Variants in KLHL8 observed in about 807,000 individuals in gnomAD.
The protein encoded by KLHL8 is kelch like family member 8.
In KLHL8, 38 loss-of-function variants were observed where a neutral mutation model predicts 63.5. The ratio of observed to expected loss-of-function variants is 0.60; its 90% CI spans 0.46 to 0.78. KLHL8 has a LOEUF of 0.78. Among genes scored for constraint, KLHL8 ranks in the 30% least tolerant of loss-of-function variants. The pLI is 0.00. For synonymous variants in KLHL8, 224 were observed against 254.3 expected, an observed-to-expected ratio of 0.88 and a Z score of 1.13; for missense variants, 566 against 752.4, an observed-to-expected ratio of 0.75 and a Z score of 2.90.
chr4:87,199,490 AG>A (rs1210461104), intron 1 of KLHL8, among the ~76,000 whole-genome samples: 1 of 152,118 alleles, frequency 6.6e-6, no homozygotes, highest in East Asian at 1.9e-4. Flanking sequence ...AAGCAACACA[AG>A]TAAACACAGA....
rs774517505 is a variant in KLHL8 at position 87,163,995 on chromosome 4, G to GT, written c.1621dup (p.Thr541AsnfsTer23). 1 of 1,614,170 alleles carries GT rather than the reference G, an allele frequency of 6.2e-7. No individual in the cohort carries two copies. ...GATTCCCACTCCACCTCTGGGAGTAGTAAGTGCTGCCACATAATCCCACTT... is the reference window on the plus strand; with the variant it reads ...GATTCCCACTCCACCTCTGGGAGTAGTTAAGTGCTGCCACATAATCCCACTT... On this transcript the variant is annotated frameshift_variant, in exon 9 of 10. Coordinates refer to ENST00000273963, the MANE Select transcript of KLHL8 (RefSeq NM_020803.5). LOFTEE classifies it high-confidence loss of function.
intron 4 of KLHL8, among the ~76,000 whole-genome samples, chr4:87,180,639 A>G (rs1353035634): frequency 6.6e-6 from 1 of 152,222 alleles, no homozygotes; most frequent in Non-Finnish European, 1.5e-5. Context: ...AGCCTTTCAC[A>G]TGGTAGGCAC....
chr4:87,198,028 C>T (rs924781099), intron 1 of KLHL8, among the ~76,000 whole-genome samples: 1 of 146,652 alleles, frequency 6.8e-6, no homozygotes, highest in Non-Finnish European at 1.5e-5. Flanking sequence ...AAAAAAAAAA[C>T]CACTTAGTGG....
chr4:87,207,723 T>A, intron 1 of KLHL8: 1 of 879,438 alleles, frequency 1.1e-6, no homozygotes, highest in Non-Finnish European at 1.9e-6. Context: ...CTACTGGTGC[T>A]GCCAAGGCTG....
At chr4:87,206,694 G>A (rs1732144707) in intron 1 of KLHL8, among the ~76,000 whole-genome samples, 1 of 152,122 alleles carries the variant, frequency 6.6e-6, no homozygotes, top group South Asian at 2.1e-4. Flanking sequence ...AAATGTATTT[G>A]CAAATGCTCA....
intron 4 of KLHL8, 146 bp from the exon 5 acceptor site, chr4:87,178,766 A>C (rs1730933862): frequency 2.6e-6 from 2 of 771,092 alleles, no homozygotes; most frequent in Admixed American, 3.8e-5. Context: ...AAATCTAATA[A>C]AATTTTCTTC....
chr4:87,173,009 C>T (rs545723030), intron 6 of KLHL8, among the ~76,000 whole-genome samples: 4 of 152,230 alleles, frequency 2.6e-5, no homozygotes, highest in Admixed American at 2.6e-4. Flanking sequence ...GGCCTTCAAC[C>T]TTTACTTACT....
At chr4:87,187,014 G>GA (rs1731287578) in intron 2 of KLHL8, among the ~76,000 whole-genome samples, 1 of 149,974 alleles carries the variant, frequency 6.7e-6, no homozygotes, top group Non-Finnish European at 1.5e-5. Flanking sequence ...CTTAATTATT[G>GA]AAAAATCAGA....
intron 1 of KLHL8, among the ~76,000 whole-genome samples, chr4:87,229,533 G>A (rs1733099415): frequency 6.6e-6 from 1 of 150,892 alleles, no homozygotes. Flanking sequence ...CCGGGTTCAA[G>A]CCATTCTCCT....
intron 1 of KLHL8, among the ~76,000 whole-genome samples, chr4:87,217,634 C>T (rs966023184): frequency 2.7e-5 from 4 of 150,916 alleles, no homozygotes; most frequent in Admixed American, 2.0e-4. Context: ...GCATGAGCCA[C>T]CGAGCCTGGC....
intron 6 of KLHL8, 75 bp from the exon 7 acceptor site, chr4:87,170,690 A>C: frequency 8.0e-7 from 1 of 1,254,104 alleles, no homozygotes; most frequent in Non-Finnish European, 1.1e-6. Flanking sequence ...AAATTGTGCT[A>C]ATGCAAATCA....
At chr4:87,233,809 C>T (rs575393611) in intron 1 of KLHL8, among the ~76,000 whole-genome samples, 1 of 152,210 alleles carries the variant, frequency 6.6e-6, no homozygotes, top group African/African-American at 2.4e-5. Context: ...ATTGAAGATA[C>T]TTGATAAATA....
At chr4:87,217,732 T>A (rs1164430603) in intron 1 of KLHL8, among the ~76,000 whole-genome samples, 6 of 149,732 alleles carry the variant, frequency 4.0e-5, no homozygotes, top group African/African-American at 1.5e-4. Flanking sequence ...CAAGCAATCC[T>A]CCTGCCTTGA....
intron 8 of KLHL8, among the ~76,000 whole-genome samples, chr4:87,164,388 A>T (rs1730296060): frequency 6.6e-6 from 1 of 152,178 alleles, no homozygotes; most frequent in South Asian, 2.1e-4. Context: ...AAAAAACACA[A>T]ACATTCATAA....
chr4:87,218,965 G>C (rs1732710672), intron 1 of KLHL8, among the ~76,000 whole-genome samples: 1 of 151,784 alleles, frequency 6.6e-6, no homozygotes, highest in Non-Finnish European at 1.5e-5. Flanking sequence ...CGAAAATCCT[G>C]ACCTCAAGTG....
At chr4:87,177,418 T>C (rs1730869862) in intron 5 of KLHL8, among the ~76,000 whole-genome samples, 1 of 151,928 alleles carries the variant, frequency 6.6e-6, no homozygotes, top group South Asian at 2.1e-4. Flanking sequence ...GAGGCAGAAT[T>C]GCCTGAACCT....
chr4:87,224,245 G>C (rs549645320), upstream of KLHL8, among the ~76,000 whole-genome samples: 1 of 151,932 alleles, frequency 6.6e-6, no homozygotes, highest in East Asian at 1.9e-4. Context: ...CCACCGCGCC[G>C]GCCAACATTT....
chr4:87,207,549 C>T, intron 1 of KLHL8: 1 of 1,091,574 alleles, frequency 9.2e-7, no homozygotes, highest in Non-Finnish European at 1.4e-6. Context: ...GCACCACCAA[C>T]TGCTTAGCGC....
intron 6 of KLHL8, among the ~76,000 whole-genome samples, chr4:87,172,300 A>G (rs1362931463): frequency 6.6e-6 from 1 of 152,174 alleles, no homozygotes; most frequent in Non-Finnish European, 1.5e-5. Flanking sequence ...ACTGAATTCT[A>G]TCAATAACCT....
Sources: gnomAD v4.1 joint callset for allele counts (sites outside exome capture counted in the v4.1 genomes callset) on GRCh38, gnomAD v4.1.1 for gene constraint, MANE v1.5 for transcripts, NCBI Gene and HGNC (gene_info 2026-07-23, HGNC 2026-07-21) for gene names.